The following GAB3 variants were observed in gnomAD, a reference collection of about 807,000 sequenced individuals.
GAB3 encodes the protein GRB2 associated binding protein 3, also known as GRB2-associated-binding protein 3.
GAB3 carries 12 observed loss-of-function variants against 40.4 expected under a neutral mutation model. The observed-to-expected ratio is 0.30, with a 90% CI of 0.19 to 0.48. The LOEUF is 0.48. GAB3 is among the 20% of genes least tolerant of loss of function. The pLI is 0.99. For synonymous variants in GAB3, 154 were observed against 176.7 expected, an observed-to-expected ratio of 0.87 and a Z score of 1.02; for missense variants, 381 against 461.9, an observed-to-expected ratio of 0.82 and a Z score of 1.61.
intron 1 of GAB3, among the ~76,000 whole-genome samples, chrX:154,725,826 G>A (rs1192097543): frequency 9.0e-6 from 1 of 111,344 alleles, no homozygotes; most frequent in Non-Finnish European, 1.9e-5. Flanking sequence ...GGAACATTCA[G>A]TAGAGACTCA....
intron 1 of GAB3, among the ~76,000 whole-genome samples, chrX:154,733,380 A>G (rs2071320417): frequency 8.9e-6 from 1 of 112,481 alleles, no homozygotes; most frequent in Non-Finnish European, 1.9e-5. Context: ...ATCATTGATC[A>G]GGATTACTCA....
At chrX:154,699,204 T>C (rs1178996080) in intron 6 of GAB3, 90 bp downstream of exon 6, 3 of 783,917 alleles carry the variant, frequency 3.8e-6, no homozygotes, top group Non-Finnish European at 5.8e-6. Flanking sequence ...GGGTGGTTTC[T>C]CTAGGTCTTC....
At chrX:154,704,562 C>G (rs998593508) in intron 4 of GAB3, among the ~76,000 whole-genome samples, 8 of 110,643 alleles carry the variant, frequency 7.2e-5, no homozygotes, top group Non-Finnish European at 1.5e-4. Context: ...CAAGAGCAAA[C>G]CAAACTGAAA....
intron 8 of GAB3, among the ~76,000 whole-genome samples, chrX:154,690,951 A>G (rs1288713154): frequency 1.8e-5 from 2 of 109,727 alleles, no homozygotes; most frequent in African/African-American, 3.4e-5. Flanking sequence ...TCATGCTGCT[A>G]TAAAGACACA....
chrX:154,708,541 T>C (rs781853796), intron 4 of GAB3, among the ~76,000 whole-genome samples: 1 of 112,021 alleles, frequency 8.9e-6, no homozygotes, highest in East Asian at 2.8e-4. Flanking sequence ...AAAAACTAAA[T>C]GACCCAATTT....
Position 154,699,985 on chromosome X carries a change from A to T in GAB3, c.1125+19T>A, listed in dbSNP as rs782122393. 5 of 1,185,805 alleles carry T rather than the reference A, an allele frequency of 4.2e-6. No homozygotes were observed. In the East Asian group the frequency reaches 1.2e-4, roughly 28 times the overall value. On this transcript the variant is annotated intron_variant, in intron 5 of 9. Transcript: ENST00000424127. Reference sequence around the variant, plus strand: ...TTTGGTAAAATTGATGCTTAAAAGAACCTGAATGTTGAACTTACCAAATTC... The same window carrying T: ...TTTGGTAAAATTGATGCTTAAAAGATCCTGAATGTTGAACTTACCAAATTC...
intron 1 of GAB3, among the ~76,000 whole-genome samples, chrX:154,744,108 G>A (rs376475832): frequency 1.2e-3 from 128 of 106,969 alleles, no homozygotes; most frequent in Non-Finnish European, 1.8e-3. Flanking sequence ...CAGCTACTCA[G>A]GAGGCTGAGG....
intron 4 of GAB3, among the ~76,000 whole-genome samples, chrX:154,704,399 G>T (rs782818078): frequency 1.8e-5 from 2 of 111,484 alleles, no homozygotes; most frequent in African/African-American, 6.5e-5. Context: ...ATAACAAAAA[G>T]AGTGTAATTG....
intron 1 of GAB3, among the ~76,000 whole-genome samples, chrX:154,747,130 C>T (rs1213624384): frequency 8.9e-6 from 1 of 111,846 alleles, no homozygotes; most frequent in Non-Finnish European, 1.9e-5. Flanking sequence ...CTCAGCCTCC[C>T]AAGTAGCTGG....
rs1327014517 is a variant in GAB3 at position 154,699,490 on chromosome X, G to A, written c.1149C>T (p.Tyr383=). ...CTTCGATACTGGCTGAAGCTGTGGG[G>A]TACATCGGGGAGAACCTGCATGGCT... ...LNLPCRFSPM[Y]PTASASIEDS... is the part of the protein sequence containing the mutation. Residue 383 remains tyrosine, a synonymous_variant, in exon 6 of 10, where the codon TAC becomes TAT. Coordinates refer to ENST00000424127, the MANE Select transcript of GAB3 (RefSeq NM_001081573.3). 8 of 1,208,733 alleles carry A rather than the reference G, an allele frequency of 6.6e-6. No homozygotes were observed. In the South Asian group the frequency reaches 7.1e-5, roughly 11 times the overall value.
chrX:154,713,969 T>A (rs1430573809), intron 2 of GAB3, among the ~76,000 whole-genome samples: 1 of 106,622 alleles, frequency 9.4e-6, no homozygotes, highest in African/African-American at 3.4e-5. Context: ...AAGTTTAGAT[T>A]CTAGCAGAGA....
intron 4 of GAB3, among the ~76,000 whole-genome samples, chrX:154,705,784 AG>A (rs1748527074): frequency 8.9e-6 from 1 of 112,132 alleles, no homozygotes; most frequent in Non-Finnish European, 1.9e-5. Flanking sequence ...AAATTGGAAA[AG>A]AGGAAGACAA....
In GAB3 at chrX:154,712,535, C is replaced by G; in HGVS notation, c.763G>C (p.Ala255Pro). 8 of 1,190,833 alleles carry G rather than the reference C, an allele frequency of 6.7e-6. No homozygotes were observed. Among genetic ancestry groups the G allele is most frequent in the Non-Finnish European group, 9.0e-6 (8 of 885,018 alleles). ...ATTTCTCTACTCCAGATCAGGGCAG[C>G]CTGAGGCCTCGAGGATGGCACCTCC... ...AQEVPSSRPQ[A>P]ALIWSREING... Residue 255 changes from alanine to proline, a missense_variant, in exon 4 of 10, where the codon GCT (alanine) becomes CCT (proline). By Grantham distance (27) the Ala-to-Pro change is conservative. Coordinates refer to ENST00000424127, the MANE Select transcript of GAB3 (RefSeq NM_001081573.3).
At chrX:154,694,942 G>A (rs1412811258) in intron 8 of GAB3, among the ~76,000 whole-genome samples, 3 of 112,077 alleles carry the variant, frequency 2.7e-5, no homozygotes, top group African/African-American at 6.5e-5. Context: ...ATCTGCATAC[G>A]GTTAAGTGCA....
At chrX:154,736,510 C>T (rs2148484729) in intron 1 of GAB3, among the ~76,000 whole-genome samples, 1 of 112,362 alleles carries the variant, frequency 8.9e-6, no homozygotes, top group South Asian at 3.7e-4. Flanking sequence ...TCATCTAGAG[C>T]CAAGTGGATC....
rs782564364 is a variant in GAB3, at chrX:154,741,696, A to T, written c.72+9258T>A. 6.1e-3 allele frequency among the ~76,000 whole-genome samples: 656 copies of T among 107,954 alleles called. 3 individuals carry two copies. The highest frequency in any genetic ancestry group is 0.011 in the Non-Finnish European group (551 of 51,983). 93.7% of individuals were successfully genotyped at this position (107,954 alleles called of 115,157 possible). A position where few individuals can be genotyped will look rare whatever the true frequency, so the allele number is the denominator to read the frequency against. ...ATCTCAAAAAAAAAAAAAAAAAAAAAGGAAAAGAGGAAAAGGTTTAATTGA... is the reference window on the plus strand; with the variant it reads ...ATCTCAAAAAAAAAAAAAAAAAAAATGGAAAAGAGGAAAAGGTTTAATTGA... On this transcript the variant is annotated intron_variant, in intron 1 of 9. Coordinates refer to ENST00000424127, the MANE Select transcript of GAB3 (RefSeq NM_001081573.3).
At chrX:154,720,410 T>C (rs1172385503) in intron 1 of GAB3, among the ~76,000 whole-genome samples, 2 of 110,865 alleles carry the variant, frequency 1.8e-5, no homozygotes, top group East Asian at 5.6e-4. Flanking sequence ...AAATAATTTG[T>C]CGTCAGGAGA....
Position 154,712,260 on chromosome X carries a change from G to C in GAB3, c.1038C>G (p.Leu346=), listed in dbSNP as rs782223360. 27 of 1,202,366 alleles carry C rather than the reference G, an allele frequency of 2.2e-5. No individual in the cohort carries two copies. The highest frequency in any genetic ancestry group is 2.5e-5 in the Non-Finnish European group (22 of 890,372). ...ECTLVPRRIS[L]SGLDNMRTWK... is the part of the protein sequence containing the mutation. Reference sequence around the variant, plus strand: ...AGGTTCTCATGTTGTCTAAACCAGAGAGGGAGATTCTTCTTGGAACCAGAG... The same window carrying C: ...AGGTTCTCATGTTGTCTAAACCAGACAGGGAGATTCTTCTTGGAACCAGAG... The change falls in exon 4 of 10, where the codon CTC becomes CTG. Residue 346 remains leucine, a synonymous_variant. Coordinates refer to ENST00000424127, the MANE Select transcript of GAB3 (RefSeq NM_001081573.3).
chrX:154,678,165 A>C lies in GAB3; in HGVS notation c.*13T>G. The C allele has an allele frequency of 1.0e-6, 1 of 971,568 alleles. No individual in the cohort carries two copies. Among genetic ancestry groups the C allele is most frequent in the Non-Finnish European group, 1.4e-6 (1 of 692,585 alleles). The allele number at this position is 971,568 out of a possible 1,213,427, so 80.1% of individuals were successfully genotyped here. A position where few individuals can be genotyped will look rare whatever the true frequency, so the allele number is the denominator to read the frequency against. ...AGCTTCCCTGTTTCACACATGGCAC[A>C]AGCCCGCACCTCTCATACTTTGGAT... On this transcript the variant is annotated 3_prime_UTR_variant, in exon 10 of 10. Transcript: ENST00000424127.
Sources: allele counts gnomAD v4.1 joint callset (sites outside exome capture counted in the v4.1 genomes callset), GRCh38; gene constraint gnomAD v4.1.1; transcripts MANE v1.5; gene names NCBI Gene and HGNC (gene_info 2026-07-23, HGNC 2026-07-21).